The following NKAIN3 variants were observed in gnomAD, a reference collection of about 807,000 sequenced individuals.
The protein encoded by NKAIN3 is sodium/potassium transporting ATPase interacting 3.
NKAIN3 carries 25 observed loss-of-function variants against 30.2 expected under a neutral mutation model. The observed-to-expected ratio is 0.83, with a 90% CI of 0.60 to 1.16. The LOEUF is 1.16. Ranked by LOEUF, NKAIN3 falls within the 50% of genes most tolerant of loss-of-function variation. NKAIN3 has a pLI of 0.00. For synonymous variants in NKAIN3, 91 were observed against 89.6 expected (o/e 1.02, Z -0.09); for missense variants, 225 against 254.1 (o/e 0.89, Z 0.78).
At chr8:62,775,253 C>T (rs1817153193) in intron 4 of NKAIN3, among the ~76,000 whole-genome samples, 1 of 151,754 alleles carries the variant, frequency 6.6e-6, no homozygotes, top group South Asian at 2.1e-4. Flanking sequence ...TATAATGTCC[C>T]CTTCTTCATC....
intron 3 of NKAIN3, among the ~76,000 whole-genome samples, chr8:62,685,037 G>A (rs1032331190): frequency 1.3e-5 from 2 of 152,178 alleles, no homozygotes; most frequent in African/African-American, 4.8e-5. Context: ...GCAAGAGCCT[G>A]CTGTACACAT....
chr8:62,504,953 G>T (rs1245040071), intron 1 of NKAIN3, among the ~76,000 whole-genome samples: 1 of 152,042 alleles, frequency 6.6e-6, no homozygotes, highest in Non-Finnish European at 1.5e-5. Context: ...CTTTAGCCAG[G>T]TCTTCCTTTT....
At chr8:62,542,119 A>G (rs1428810914) in intron 1 of NKAIN3, among the ~76,000 whole-genome samples, 1 of 152,222 alleles carries the variant, frequency 6.6e-6, no homozygotes, top group Non-Finnish European at 1.5e-5. Context: ...GAGTAAAAAC[A>G]CAAATCCCAG....
At chr8:62,309,259 G>A (rs931344240) in intron 1 of NKAIN3, among the ~76,000 whole-genome samples, 1 of 150,348 alleles carries the variant, frequency 6.7e-6, no homozygotes, top group Non-Finnish European at 1.5e-5. Context: ...AATTGCAAGT[G>A]TAACATTAAA....
intron 1 of NKAIN3, among the ~76,000 whole-genome samples, chr8:62,312,446 A>G (rs968977341): frequency 1.8e-4 from 27 of 150,640 alleles, no homozygotes; most frequent in Middle Eastern, 3.4e-3. Context: ...TCACCAGGCT[A>G]GACAGGATCA....
intron 5 of NKAIN3, among the ~76,000 whole-genome samples, chr8:62,934,679 C>A (rs192911896): frequency 4.2e-4 from 64 of 152,130 alleles, no homozygotes; most frequent in African/African-American, 1.4e-3. Context: ...CCAGAATAAG[C>A]GTATCAGTGA....
chr8:62,400,264 C>T (rs1458645978), intron 1 of NKAIN3, among the ~76,000 whole-genome samples: 1 of 146,778 alleles, frequency 6.8e-6, no homozygotes, highest in Non-Finnish European at 1.5e-5. Context: ...CTCCTGGGTT[C>T]AAGTGATTCT....
intron 1 of NKAIN3, among the ~76,000 whole-genome samples, chr8:62,559,710 A>G (rs1438672248): frequency 6.6e-6 from 1 of 152,010 alleles, no homozygotes; most frequent in Non-Finnish European, 1.5e-5. Context: ...CCTCATTTTT[A>G]TAATATAATT....
intron 4 of NKAIN3, among the ~76,000 whole-genome samples, chr8:62,817,458 G>C (rs1387491038): frequency 6.6e-6 from 1 of 152,054 alleles, no homozygotes; most frequent in Non-Finnish European, 1.5e-5. Context: ...CTTCTGGTCT[G>C]GCATTCTTGG....
In NKAIN3 at chr8:62,531,783, T is replaced by A. The variant is rs79025716; in HGVS notation, c.55-47756T>A. On this transcript the variant is annotated intron_variant, in intron 1 of 6. Coordinates refer to ENST00000623646, the MANE Select transcript of NKAIN3 (RefSeq NM_001304533.3). ...GGGCACTCACTCAGGGAAAGGGAAA[T>A]CACTGGATTATCTGTACTGTTTAGC... 7.8e-4 allele frequency among the ~76,000 whole-genome samples: 119 copies of A among 152,230 alleles called. 4 individuals carry two copies. In the East Asian group the frequency reaches 0.022, roughly 28 times the overall value.
At chr8:62,766,526 G>C (rs1320050593) in intron 4 of NKAIN3, among the ~76,000 whole-genome samples, 2 of 152,214 alleles carry the variant, frequency 1.3e-5, no homozygotes, top group South Asian at 2.1e-4. Flanking sequence ...TGGGTGAGAG[G>C]GTTCCTAGTT....
intron 1 of NKAIN3, 66 bp downstream of exon 1, chr8:62,249,193 C>T: frequency 7.4e-7 from 1 of 1,350,316 alleles, no homozygotes; most frequent in Non-Finnish European, 1.0e-6. Context: ...CTGCGACTCC[C>T]TCTGCGGTTC....
intron 3 of NKAIN3, among the ~76,000 whole-genome samples, chr8:62,687,866 TTC>T (rs1156294381): frequency 6.6e-6 from 1 of 152,268 alleles, no homozygotes; most frequent in Non-Finnish European, 1.5e-5. Flanking sequence ...ATAGCAAGCT[TTC>T]TCTGATTGCT....
intron 4 of NKAIN3, among the ~76,000 whole-genome samples, chr8:62,843,331 A>T (rs940527723): frequency 2.0e-5 from 3 of 150,978 alleles, no homozygotes; most frequent in Admixed American, 6.6e-5. Flanking sequence ...TAATTAATTA[A>T]TTTTTTATTT....
rs181161503 is a variant in NKAIN3, at chr8:62,725,879, G to C, written c.274-21053G>C. ...AGGATTTTTTTTCTATCTATATGAA[G>C]AATGTCATTGATATTTAATAAGGAT... On this transcript the variant is annotated intron_variant, in intron 3 of 6. Transcript: ENST00000623646. Among the ~76,000 whole-genome samples, 443 of 152,058 alleles carry C rather than the reference G, an allele frequency of 2.9e-3. 1 individual carries two copies. The highest frequency in any genetic ancestry group is 0.01 in the African/African-American group (421 of 41,508).
intron 5 of NKAIN3, among the ~76,000 whole-genome samples, chr8:62,950,395 G>T (rs1040132432): frequency 3.2e-4 from 49 of 152,094 alleles, no homozygotes; most frequent in African/African-American, 1.2e-3. Flanking sequence ...TGGCCAAAAA[G>T]ACTCATTGCT....
At chr8:62,870,919 C>T (rs544370867) in intron 4 of NKAIN3, among the ~76,000 whole-genome samples, 2 of 151,450 alleles carry the variant, frequency 1.3e-5, no homozygotes, top group South Asian at 2.1e-4. Flanking sequence ...AAAAGTAGTT[C>T]GAGGGAAAAG....
chr8:62,563,218 C>A (rs1317389243), intron 1 of NKAIN3, among the ~76,000 whole-genome samples: 1 of 152,004 alleles, frequency 6.6e-6, no homozygotes, highest in Non-Finnish European at 1.5e-5. Context: ...TTTAAGGGTG[C>A]CTTTTGCATG....
Position 62,463,194 on chromosome 8 carries a change from A to T in NKAIN3, c.55-116345A>T, listed in dbSNP as rs116346048. 8.9e-3 allele frequency among the ~76,000 whole-genome samples: 1,359 copies of T among 152,336 alleles called. 20 individuals are homozygous for T. Among genetic ancestry groups the T allele is most frequent in the African/African-American group, 0.031 (1,287 of 41,580 alleles). On this transcript the variant is annotated intron_variant, in intron 1 of 6. Coordinates refer to ENST00000623646, the MANE Select transcript of NKAIN3 (RefSeq NM_001304533.3). ...TAATAAATGTTTCTGTATAAACAGG[A>T]TCAACAAAATGTGCAATGAATAATA...
Sources: allele counts gnomAD v4.1 joint callset (sites outside exome capture counted in the v4.1 genomes callset), GRCh38; gene constraint gnomAD v4.1.1; transcripts MANE v1.5; gene names NCBI Gene and HGNC (gene_info 2026-07-23, HGNC 2026-07-21).